VPS13B: variants seen among roughly 807,000 people sequenced by gnomAD.
VPS13B encodes intermembrane lipid transfer protein VPS13B.
In VPS13B, 285 loss-of-function variants were observed where a neutral mutation model predicts 426.4. That is an observed-to-expected ratio of 0.67 (90% CI 0.61 to 0.74). The LOEUF (loss-of-function observed/expected upper bound fraction) is 0.74. Among genes scored for constraint, VPS13B ranks in the 30% least tolerant of loss-of-function variants. VPS13B has a pLI of 0.00. For synonymous variants in VPS13B, 1,676 were observed against 1,676.4 expected (o/e 1.00, Z 0.01); for missense variants, 4,537 against 4,782.6 (o/e 0.95, Z 1.51).
intron 33 of VPS13B, among the ~76,000 whole-genome samples, chr8:99,578,555 T>G (rs982167138): frequency 6.6e-6 from 1 of 152,152 alleles, no homozygotes; most frequent in East Asian, 1.9e-4. Flanking sequence ...AGCCATGATA[T>G]CTATTTATTC....
intron 7 of VPS13B, among the ~76,000 whole-genome samples, chr8:99,118,236 C>T (rs575853764): frequency 1.3e-5 from 2 of 152,250 alleles, no homozygotes; most frequent in African/African-American, 4.8e-5. Flanking sequence ...TATTCTGTTA[C>T]AATTGCTTCA....
At chr8:99,150,616 A>T (rs1330597223) in intron 14 of VPS13B, among the ~76,000 whole-genome samples, 2 of 152,200 alleles carry the variant, frequency 1.3e-5, no homozygotes, top group Non-Finnish European at 2.9e-5. Context: ...CTAGACTGTC[A>T]TATAGTTGGA....
intron 2 of VPS13B, among the ~76,000 whole-genome samples, chr8:99,034,990 G>T (rs900342899): frequency 6.6e-6 from 1 of 152,088 alleles, no homozygotes; most frequent in African/African-American, 2.4e-5. Context: ...AAGCCCAGGA[G>T]TTGAAGACAA....
chr8:99,067,727 A>G lies in VPS13B; in HGVS notation c.292-28585A>G, dbSNP rs145258691. On this transcript the variant is annotated intron_variant, in intron 3 of 61. Coordinates refer to ENST00000357162, the MANE Select transcript of VPS13B (RefSeq NM_152564.5). ...ATTATGCTTGCTAATAGTATAATGT[A>G]TAATTTAACCCTTTTAACCTTTACT... 9.8e-5 allele frequency among the ~76,000 whole-genome samples: 15 copies of G among 152,370 alleles called. No homozygotes were observed. The East Asian group carries it at 2.7e-3, about 27-fold the overall frequency.
At chr8:99,352,190 A>G (rs1033685080) in intron 19 of VPS13B, among the ~76,000 whole-genome samples, 5 of 152,196 alleles carry the variant, frequency 3.3e-5, no homozygotes, top group African/African-American at 1.2e-4. Context: ...CATAATTTAA[A>G]ACTTCTAATT....
intron 24 of VPS13B, among the ~76,000 whole-genome samples, chr8:99,477,603 G>T (rs1171038635): frequency 6.6e-6 from 1 of 152,078 alleles, no homozygotes. Flanking sequence ...TTATCCATTA[G>T]GATGACATCA....
intron 21 of VPS13B, among the ~76,000 whole-genome samples, chr8:99,417,795 GT>G (rs544072881): frequency 2.7e-5 from 4 of 148,778 alleles, no homozygotes; most frequent in Admixed American, 2.7e-4. Context: ...TTTGTTTCTT[GT>G]TTTTTTTTCT....
chr8:99,415,519 T>A (rs551162087), intron 21 of VPS13B, among the ~76,000 whole-genome samples: 3 of 152,194 alleles, frequency 2.0e-5, no homozygotes, highest in African/African-American at 7.2e-5. Context: ...ACAGCCTTTT[T>A]AGGCTGGTTT....
At chr8:99,069,136 A>G (rs1446360411) in intron 3 of VPS13B, among the ~76,000 whole-genome samples, 1 of 152,182 alleles carries the variant, frequency 6.6e-6, no homozygotes, top group Non-Finnish European at 1.5e-5. Flanking sequence ...TTGAGCCCTT[A>G]AATAAATGGA....
chr8:99,554,641 C>T (rs759396156), intron 30 of VPS13B, among the ~76,000 whole-genome samples: 39 of 151,944 alleles, frequency 2.6e-4, no homozygotes, highest in Non-Finnish European at 5.6e-4. Context: ...CATAGAGAGA[C>T]CCTAAGAACA....
intron 3 of VPS13B, among the ~76,000 whole-genome samples, chr8:99,075,735 T>C (rs1460722088): frequency 6.6e-6 from 1 of 152,226 alleles, no homozygotes; most frequent in African/African-American, 2.4e-5. Flanking sequence ...ATGTCGCCAT[T>C]TTGTTTGTGA....
chr8:99,258,677 G>A (rs1817885085), intron 17 of VPS13B, among the ~76,000 whole-genome samples: 1 of 151,916 alleles, frequency 6.6e-6, no homozygotes, highest in Non-Finnish European at 1.5e-5. Context: ...CTCTAAAAAT[G>A]TTGAAGGTAC....
At chr8:99,782,288 C>T (rs894130019) in intron 42 of VPS13B, among the ~76,000 whole-genome samples, 5 of 151,900 alleles carry the variant, frequency 3.3e-5, no homozygotes, top group Non-Finnish European at 7.4e-5. Context: ...AAGTATTTAT[C>T]GGCTAGGCAT....
rs767664311 is a variant in VPS13B, at chr8:99,717,243, G to A, written c.6527G>A (p.Ser2176Asn). 3.7e-6 allele frequency: 6 copies of A among 1,613,766 alleles called. No individual in the cohort carries two copies. The highest frequency in any genetic ancestry group is 4.2e-6 in the Non-Finnish European group (5 of 1,179,946). ...FLLKTSLKER[S>N]RILIGPCCAT... ...CTTAAAACAAGTCTCAAAGAAAGAA[G>A]CCGCATTCTGATAGGACCATGTTGT... Residue 2176 changes from serine to asparagine, a missense_variant, in exon 37 of 62, where the codon AGC (serine) becomes AAC (asparagine). Transcript: ENST00000357162.
intron 39 of VPS13B, among the ~76,000 whole-genome samples, chr8:99,756,154 A>T (rs546710769): frequency 6.6e-6 from 1 of 152,328 alleles, no homozygotes; most frequent in East Asian, 1.9e-4. Context: ...TGAGATTGAA[A>T]CAATAATGTT....
At chr8:99,327,930 A>G (rs1039886659) in intron 19 of VPS13B, among the ~76,000 whole-genome samples, 2 of 152,196 alleles carry the variant, frequency 1.3e-5, no homozygotes, top group African/African-American at 2.4e-5. Flanking sequence ...AAAATTCTCT[A>G]TCAGTCAAGG....
chr8:99,425,411 A>G (rs570610274), intron 21 of VPS13B, among the ~76,000 whole-genome samples: 1 of 152,330 alleles, frequency 6.6e-6, no homozygotes, highest in Admixed American at 6.5e-5. Context: ...CTGGTTCAAC[A>G]TATGCAAGTC....
At chr8:99,702,575 T>A (rs1039466015) in intron 36 of VPS13B, among the ~76,000 whole-genome samples, 2 of 152,174 alleles carry the variant, frequency 1.3e-5, no homozygotes, top group Non-Finnish European at 2.9e-5. Flanking sequence ...CTTGTTTATG[T>A]GAATCTGCAT....
chr8:99,038,042 A>G (rs1335680311), intron 2 of VPS13B, among the ~76,000 whole-genome samples: 1 of 152,090 alleles, frequency 6.6e-6, no homozygotes, highest in Non-Finnish European at 1.5e-5. Context: ...TTGCACTATC[A>G]TATATCAGCC....
Sources: allele counts gnomAD v4.1 joint callset (sites outside exome capture counted in the v4.1 genomes callset), GRCh38; gene constraint gnomAD v4.1.1; transcripts MANE v1.5; gene names NCBI Gene and HGNC (gene_info 2026-07-23, HGNC 2026-07-21).